Variants in ZEB1 observed in about 807,000 individuals in gnomAD.
The protein encoded by ZEB1 is zinc finger E-box-binding homeobox 1.
Under a neutral mutation model 84.9 loss-of-function variants are expected in ZEB1, and 21 were observed. The observed-to-expected ratio is 0.25, with a 90% CI of 0.18 to 0.36. The LOEUF is 0.36. Among genes scored for constraint, ZEB1 ranks in the 10% least tolerant of loss-of-function variants. The pLI, the probability that ZEB1 is intolerant of heterozygous loss-of-function variation, is 1.00. For synonymous variants in ZEB1, 420 were observed against 471.1 expected (o/e 0.89, Z 1.41); for missense variants, 1,104 against 1,330.2 (o/e 0.83, Z 2.65).
Position 31,327,779 on chromosome 10 carries a change from A to G in ZEB1, c.58+8487A>G, listed in dbSNP as rs538910696. Among the ~76,000 whole-genome samples the G allele has an allele frequency of 1.8e-4, 28 of 152,342 alleles. No individual in the cohort carries two copies. The East Asian group carries it at 4.6e-3, about 25-fold the overall frequency. ...ATTTTTTACGCTCACCAACAATGTA[A>G]AAGAACTATTTTCTCACGTTTTTGC... On this transcript the variant is annotated intron_variant, in intron 1 of 8. Transcript: ENST00000424869.
chr10:31,352,031 A>G (rs1441132867), intron 1 of ZEB1, among the ~76,000 whole-genome samples: 1 of 152,218 alleles, frequency 6.6e-6, no homozygotes, highest in African/African-American at 2.4e-5. Flanking sequence ...TACATAGGCT[A>G]TATAATACAT....
chr10:31,381,269 T>C (rs1564656204), intron 1 of ZEB1, among the ~76,000 whole-genome samples: 1 of 152,158 alleles, frequency 6.6e-6, no homozygotes, highest in Non-Finnish European at 1.5e-5. Flanking sequence ...TCTAAAATGA[T>C]TTATTAAATA....
chr10:31,325,207 CAACTT>C (rs1270277257), intron 1 of ZEB1, among the ~76,000 whole-genome samples: 2 of 151,808 alleles, frequency 1.3e-5, no homozygotes, highest in African/African-American at 2.4e-5. Flanking sequence ...TCAGAGAAAA[CAACTT>C]AATTTTTAGA....
At chr10:31,442,879 TTGG>T (rs1260542802) in intron 1 of ZEB1, among the ~76,000 whole-genome samples, 1 of 152,142 alleles carries the variant, frequency 6.6e-6, no homozygotes, top group Non-Finnish European at 1.5e-5. Context: ...AAGAACAGTG[TTGG>T]TGGAGTGTTG....
intron 2 of ZEB1, 39 bp downstream of exon 2, chr10:31,461,276 A>AT: frequency 6.4e-7 from 1 of 1,551,704 alleles, no homozygotes; most frequent in South Asian, 1.2e-5. Flanking sequence ...TATTCTCATG[A>AT]TTCGTTTTTT....
At chr10:31,321,350 A>G in intron 1 of ZEB1, 2 of 1,485,670 alleles carry the variant, frequency 1.3e-6, no homozygotes, top group Non-Finnish European at 1.8e-6. Flanking sequence ...AAACACTTGC[A>G]TTTTAAAGAC....
intron 1 of ZEB1, among the ~76,000 whole-genome samples, chr10:31,337,350 G>A (rs904635777): frequency 6.6e-6 from 1 of 151,940 alleles, no homozygotes; most frequent in African/African-American, 2.4e-5. Flanking sequence ...TCAGGATAAT[G>A]TGTGTTTAAA....
In ZEB1 at chr10:31,337,656, G is replaced by A. The variant is rs569834380; in HGVS notation, c.58+18364G>A. 9.1e-3 allele frequency among the ~76,000 whole-genome samples: 1,344 copies of A among 147,508 alleles called. 21 individuals are homozygous for A. Among genetic ancestry groups the A allele is most frequent in the African/African-American group, 0.032 (1,284 of 40,014 alleles). On this transcript the variant is annotated intron_variant, in intron 1 of 8. Transcript: ENST00000424869. ...TTATACTATCTTTGTATTTAATATA[G>A]CAGATAAAGCTTAATAATTTCTTTC...
chr10:31,474,859 C>T (rs2063840257), intron 2 of ZEB1, among the ~76,000 whole-genome samples: 2 of 152,086 alleles, frequency 1.3e-5, no homozygotes, highest in African/African-American at 4.8e-5. Context: ...GGCACATATA[C>T]ACCATGGAAT....
At chr10:31,492,886 G>A (rs1220935662) in intron 2 of ZEB1, among the ~76,000 whole-genome samples, 1 of 151,726 alleles carries the variant, frequency 6.6e-6, no homozygotes, top group African/African-American at 2.4e-5. Context: ...AGCTCTTTTG[G>A]TCTAAATTTG....
chr10:31,325,677 T>A (rs896477051), intron 1 of ZEB1, among the ~76,000 whole-genome samples: 2 of 152,012 alleles, frequency 1.3e-5, no homozygotes, highest in African/African-American at 4.8e-5. Context: ...CCATTCAGAT[T>A]TAAAATTAAA....
chr10:31,344,857 T>C (rs2040026152), intron 1 of ZEB1, among the ~76,000 whole-genome samples: 2 of 152,256 alleles, frequency 1.3e-5, no homozygotes, highest in African/African-American at 2.4e-5. Context: ...TGTTTGTTTG[T>C]TTTTCTGAAT....
At position 31,327,539 on chromosome 10, in the gene ZEB1, C is replaced by T. The variant is rs543789316; in HGVS notation, c.58+8247C>T. Among the ~76,000 whole-genome samples, 5 of 152,282 alleles carry T rather than the reference C, an allele frequency of 3.3e-5. No homozygotes were observed. In the South Asian group the frequency reaches 8.3e-4, roughly 25 times the overall value. ...AAGCACAAATTACCTATCAATTCCC[C>T]TAATGGCAGATTCCCAGATTGACTC... is the stretch of plus-strand genomic sequence containing the variant. On this transcript the variant is annotated intron_variant, in intron 1 of 8. Coordinates refer to ENST00000424869, the MANE Select transcript of ZEB1 (RefSeq NM_001174096.2).
At chr10:31,484,332 C>T (rs977155063) in intron 2 of ZEB1, among the ~76,000 whole-genome samples, 3 of 151,980 alleles carry the variant, frequency 2.0e-5, no homozygotes, top group Non-Finnish European at 4.4e-5. Context: ...CACACAAGTT[C>T]ATAAACCACT....
At chr10:31,418,648 G>C (rs560206955) in intron 1 of ZEB1, among the ~76,000 whole-genome samples, 4 of 152,072 alleles carry the variant, frequency 2.6e-5, no homozygotes, top group Non-Finnish European at 5.9e-5. Flanking sequence ...GCTTCTCTCT[G>C]TACTCTACTG....
intron 1 of ZEB1, among the ~76,000 whole-genome samples, chr10:31,371,419 AATACTTCC>A (rs947494036): frequency 2.6e-5 from 4 of 152,204 alleles, no homozygotes; most frequent in Non-Finnish European, 5.9e-5. Flanking sequence ...TGAGGACATG[AATACTTCC>A]ATAGCTATAT....
chr10:31,454,818 G>A (rs2061004042), intron 1 of ZEB1, among the ~76,000 whole-genome samples: 1 of 152,134 alleles, frequency 6.6e-6, no homozygotes, highest in African/African-American at 2.4e-5. Flanking sequence ...TCACAATATA[G>A]TGAAAATGGC....
At chr10:31,447,979 G>A (rs2060015925) in intron 1 of ZEB1, among the ~76,000 whole-genome samples, 1 of 151,770 alleles carries the variant, frequency 6.6e-6, no homozygotes, top group South Asian at 2.1e-4. Flanking sequence ...GATTGGGGAA[G>A]TTCTCCTGGA....
chr10:31,524,365 C>T (rs890478764), intron 8 of ZEB1, among the ~76,000 whole-genome samples: 11 of 152,034 alleles, frequency 7.2e-5, no homozygotes, highest in African/African-American at 2.7e-4. Flanking sequence ...ACTATAGGCA[C>T]ATACCACCAC....
Sources: gnomAD v4.1 joint callset for allele counts (sites outside exome capture counted in the v4.1 genomes callset) on GRCh38, gnomAD v4.1.1 for gene constraint, MANE v1.5 for transcripts, NCBI Gene and HGNC (gene_info 2026-07-23, HGNC 2026-07-21) for gene names.